The following KAZN variants were observed in gnomAD, a reference collection of about 807,000 sequenced individuals.
The protein encoded by KAZN is kazrin.
A neutral mutation model predicts 87.4 loss-of-function variants in KAZN; 40 were observed. The observed-to-expected ratio is 0.46, with a 90% CI of 0.36 to 0.60. The LOEUF (loss-of-function observed/expected upper bound fraction) is 0.60, where lower values mean the gene tolerates loss of function less well. Among genes scored for constraint, KAZN ranks in the 20% least tolerant of loss-of-function variants. The pLI is 0.00. For missense variants in KAZN, 898 were observed against 1,073.9 expected, an observed-to-expected ratio of 0.84 and a Z score of 2.29; for synonymous variants, 466 against 458.3, an observed-to-expected ratio of 1.02 and a Z score of -0.22.
At position 15,104,195 on chromosome 1, in the gene KAZN, C is replaced by T. The variant is rs1448008003; in HGVS notation, c.2048+6C>T. 2 of 1,567,922 alleles carry T rather than the reference C, an allele frequency of 1.3e-6. No individual in the cohort carries two copies. The highest frequency in any genetic ancestry group is 2.4e-5 in the East Asian group (1 of 41,980). Reference sequence around the variant, plus strand: ...GCCGTCTTCCACCCAGCCAAGTGAGCACGGGCTGGGATCCAGTCATGTGGG... The same window carrying T: ...GCCGTCTTCCACCCAGCCAAGTGAGTACGGGCTGGGATCCAGTCATGTGGG... On this transcript the variant is annotated splice_donor_region_variant and intron_variant, in intron 13 of 14. Transcript: ENST00000376030.
chr1:14,482,794 A>C (rs924795889), intron 2 of KAZN, among the ~76,000 whole-genome samples: 1 of 152,092 alleles, frequency 6.6e-6, no homozygotes, highest in Non-Finnish European at 1.5e-5. Context: ...TTACCTATGC[A>C]CTAAGCACAT....
intron 1 of KAZN, among the ~76,000 whole-genome samples, chr1:14,846,258 C>T (rs1648750048): frequency 1.3e-5 from 2 of 152,166 alleles, no homozygotes; most frequent in East Asian, 3.9e-4. Context: ...ATAAAGAAGC[C>T]TGTTGAATCT....
At chr1:14,627,521 C>T (rs150504670) in intron 1 of KAZN, among the ~76,000 whole-genome samples, 10 of 152,176 alleles carry the variant, frequency 6.6e-5, no homozygotes, top group African/African-American at 2.2e-4. Flanking sequence ...CACTCCCCTC[C>T]TATCACTGTT....
intron 1 of KAZN, among the ~76,000 whole-genome samples, chr1:14,876,428 G>A (rs1290909538): frequency 6.6e-6 from 1 of 152,240 alleles, no homozygotes; most frequent in East Asian, 1.9e-4. Context: ...GCAAAGAACA[G>A]ATGCTTGGGA....
chr1:13,923,560 G>A (rs1475581534), intron 1 of KAZN, among the ~76,000 whole-genome samples: 30 of 131,382 alleles, frequency 2.3e-4, no homozygotes, highest in African/African-American at 4.8e-4. Context: ...GTGACAGAGC[G>A]AGACTCCATC....
intron 1 of KAZN, among the ~76,000 whole-genome samples, chr1:14,083,640 A>G (rs1643758866): frequency 6.6e-6 from 1 of 152,246 alleles, no homozygotes; most frequent in Non-Finnish European, 1.5e-5. Context: ...GTGCAGCATT[A>G]GAAAGACTTA....
At chr1:14,999,836 A>T (rs1668287343) in intron 2 of KAZN, among the ~76,000 whole-genome samples, 2 of 152,168 alleles carry the variant, frequency 1.3e-5, no homozygotes, top group Non-Finnish European at 2.9e-5. Context: ...GCTCCAGTTG[A>T]ATGCAGGACA....
intron 2 of KAZN, among the ~76,000 whole-genome samples, chr1:14,386,780 C>T (rs1661939733): frequency 6.6e-6 from 1 of 151,922 alleles, no homozygotes; most frequent in African/African-American, 2.4e-5. Flanking sequence ...GTGAATCTGA[C>T]AATTATGTGT....
At chr1:14,310,766 AAAG>A (rs1407460167) in intron 2 of KAZN, among the ~76,000 whole-genome samples, 3 of 152,348 alleles carry the variant, frequency 2.0e-5, no homozygotes, top group African/African-American at 7.2e-5. Flanking sequence ...TTCCCAGGAA[AAAG>A]AAGGTTTTGT....
chr1:15,064,249 T>A (rs1369389861), intron 7 of KAZN, among the ~76,000 whole-genome samples: 1 of 152,114 alleles, frequency 6.6e-6, no homozygotes, highest in Non-Finnish European at 1.5e-5. Context: ...AGTCCTGGGC[T>A]CCCCACCTGT....
At chr1:14,644,444 C>T (rs1343804513) in intron 1 of KAZN, among the ~76,000 whole-genome samples, 5 of 150,324 alleles carry the variant, frequency 3.3e-5, no homozygotes, top group African/African-American at 1.2e-4. Context: ...TCACTGCAAG[C>T]TCCGCCTACC....
intron 1 of KAZN, among the ~76,000 whole-genome samples, chr1:14,725,158 T>G (rs1044638736): frequency 3.3e-5 from 5 of 152,234 alleles, no homozygotes; most frequent in African/African-American, 4.8e-5. Flanking sequence ...AACTAATACA[T>G]ATTCCCTCTC....
chr1:14,185,623 A>G (rs1646287889), intron 2 of KAZN, among the ~76,000 whole-genome samples: 1 of 152,172 alleles, frequency 6.6e-6, no homozygotes, highest in African/African-American at 2.4e-5. Context: ...ATACTGCCAC[A>G]ATAGTTTTGA....
intron 1 of KAZN, among the ~76,000 whole-genome samples, chr1:14,116,970 T>C (rs1644636826): frequency 6.6e-6 from 1 of 152,262 alleles, no homozygotes; most frequent in Non-Finnish European, 1.5e-5. Flanking sequence ...TCTGGCCATT[T>C]TCTCCCATTT....
intron 2 of KAZN, among the ~76,000 whole-genome samples, chr1:14,472,847 G>A (rs1281348682): frequency 6.6e-6 from 1 of 152,126 alleles, no homozygotes; most frequent in Non-Finnish European, 1.5e-5. Flanking sequence ...TCCAGGTGCT[G>A]TGCTGGGTGC....
rs1023668762 is a variant in KAZN at position 14,282,863 on chromosome 1, T to C, written c.249+102271T>C. On this transcript the variant is annotated intron_variant, in intron 2 of 16. Coordinates refer to the KAZN transcript ENST00000636203. ...AGAATTCAGCCAGGAAGATAATAGA[T>C]GCTAATGTCAGAAGGGGAGCCCTGG... is the stretch of plus-strand genomic sequence containing the variant. Among the ~76,000 whole-genome samples the C allele has an allele frequency of 3.0e-4, 45 of 152,120 alleles. 1 individual carries two copies. The highest frequency in any genetic ancestry group is 2.9e-3 in the Admixed American group (45 of 15,260).
chr1:14,859,809 C>G (rs1255253299), intron 1 of KAZN, among the ~76,000 whole-genome samples: 1 of 152,202 alleles, frequency 6.6e-6, no homozygotes, highest in Non-Finnish European at 1.5e-5. Flanking sequence ...CCTATTCCCA[C>G]TATTTCCCCT....
chr1:14,716,944 C>G (rs1572300083), intron 1 of KAZN, among the ~76,000 whole-genome samples: 1 of 151,816 alleles, frequency 6.6e-6, no homozygotes, highest in East Asian at 1.9e-4. Flanking sequence ...CTTATGCTTT[C>G]TGGCCTCTGA....
intron 2 of KAZN, among the ~76,000 whole-genome samples, chr1:14,516,411 C>T (rs1671301840): frequency 6.6e-6 from 1 of 152,158 alleles, no homozygotes; most frequent in African/African-American, 2.4e-5. Flanking sequence ...GAGAGAGGAA[C>T]AAGACCTAGG....
Sources: allele counts gnomAD v4.1 joint callset (sites outside exome capture counted in the v4.1 genomes callset), GRCh38; gene constraint gnomAD v4.1.1; transcripts MANE v1.5; gene names NCBI Gene and HGNC (gene_info 2026-07-23, HGNC 2026-07-21).